Variants in CGGBP1 observed in about 807,000 individuals in gnomAD.
CGGBP1 encodes the protein CGG triplet repeat binding protein 1, also known as CGG triplet repeat-binding protein 1.
In CGGBP1, 4 loss-of-function variants were observed where a neutral mutation model predicts 11.4. The ratio of observed to expected loss-of-function variants is 0.35; its 90% CI spans 0.17 to 0.80. The LOEUF is 0.80. Among genes scored for constraint, CGGBP1 ranks in the 30% least tolerant of loss-of-function variants. The probability of loss-of-function intolerance (pLI) is 0.52; values close to 1 mark genes in which losing one functional copy is unlikely to be tolerated. For synonymous variants in CGGBP1, 76 were observed against 74.1 expected (o/e 1.03, Z -0.13); for missense variants, 135 against 202.1 (o/e 0.67, Z 2.01).
chr3:88,059,203 G>A (rs1209967779), upstream of CGGBP1: 1 of 1,452,930 alleles, frequency 6.9e-7, no homozygotes, highest in Non-Finnish European at 9.0e-7. Context: ...AGAGGCCCCT[G>A]TCCGGCTAGG....
At chr3:88,098,255 C>CAT (rs1559708461) in intron 2 of CGGBP1, among the ~76,000 whole-genome samples, 1 of 152,174 alleles carries the variant, frequency 6.6e-6, no homozygotes, top group East Asian at 1.9e-4. Flanking sequence ...TTCCTGCACA[C>CAT]ATACACCCTC....
intron 2 of CGGBP1, among the ~76,000 whole-genome samples, chr3:88,069,707 A>C (rs530119888): frequency 4.5e-4 from 69 of 152,334 alleles, no homozygotes; most frequent in Non-Finnish European, 8.5e-4. Context: ...TTGACATTAT[A>C]GAGTGTTAAT....
rs549823189 is a variant in CGGBP1 at position 88,087,009 on chromosome 3, C to T, written c.-228-28786G>A. ...ATGTTAGCCAGGATGGTCTTGATCT[C>T]CTGACCTCGTGATCTGCCTACCTTG... On this transcript the variant is annotated intron_variant, in intron 2 of 3. Coordinates refer to the CGGBP1 transcript ENST00000462901. Among the ~76,000 whole-genome samples, 10 of 152,262 alleles carry T rather than the reference C, an allele frequency of 6.6e-5. No individual in the cohort carries two copies. In the East Asian group the frequency reaches 1.9e-3, roughly 29 times the overall value.
At chr3:88,069,212 A>G (rs926414124) in intron 2 of CGGBP1, among the ~76,000 whole-genome samples, 2 of 152,196 alleles carry the variant, frequency 1.3e-5, no homozygotes, top group African/African-American at 4.8e-5. Flanking sequence ...ACCTGAGTCC[A>G]GGAGCTCAAG....
intron 2 of CGGBP1, among the ~76,000 whole-genome samples, chr3:88,090,152 A>T (rs1708557373): frequency 6.6e-6 from 1 of 152,298 alleles, no homozygotes; most frequent in East Asian, 1.9e-4. Context: ...TCTTCTACCT[A>T]TTAAAAAAAG....
chr3:88,089,104 A>G (rs908421803), intron 2 of CGGBP1, among the ~76,000 whole-genome samples: 4 of 148,976 alleles, frequency 2.7e-5, no homozygotes, highest in African/African-American at 9.9e-5. Flanking sequence ...AATTATATTT[A>G]TTTTGTGATG....
At chr3:88,071,041 G>T (rs754778136) in intron 2 of CGGBP1, among the ~76,000 whole-genome samples, 2 of 152,040 alleles carry the variant, frequency 1.3e-5, no homozygotes, top group African/African-American at 4.8e-5. Context: ...CTCATTCATC[G>T]GTTCTCAATT....
intron 2 of CGGBP1, among the ~76,000 whole-genome samples, chr3:88,074,620 C>T (rs370812596): frequency 9.9e-5 from 15 of 152,206 alleles, no homozygotes; most frequent in South Asian, 4.1e-4. Flanking sequence ...GGATTATAAG[C>T]GTGAGCCACT....
At chr3:88,129,207 A>G (rs1483604399) in intron 2 of CGGBP1, among the ~76,000 whole-genome samples, 1 of 151,956 alleles carries the variant, frequency 6.6e-6, no homozygotes, top group Non-Finnish European at 1.5e-5. Flanking sequence ...TCTGATATTA[A>G]CAAATGATGA....
At chr3:88,113,131 C>T (rs1162670572) in intron 2 of CGGBP1, 3 of 1,532,964 alleles carry the variant, frequency 2.0e-6, no homozygotes, top group East Asian at 2.5e-5. Flanking sequence ...CTTTGAGTTG[C>T]TGCTGTTCTT....
intron 2 of CGGBP1, among the ~76,000 whole-genome samples, chr3:88,081,271 A>G (rs892837451): frequency 1.3e-5 from 2 of 152,100 alleles, no homozygotes; most frequent in Non-Finnish European, 2.9e-5. Context: ...GGTGATATTT[A>G]CCTTGATGGC....
At chr3:88,089,084 G>T (rs1446374683) in intron 2 of CGGBP1, among the ~76,000 whole-genome samples, 1 of 149,552 alleles carries the variant, frequency 6.7e-6, no homozygotes, top group Non-Finnish European at 1.5e-5. Flanking sequence ...AAAAAAAACT[G>T]TATTAAAAAA....
At chr3:88,102,185 G>A (rs947127495) in intron 2 of CGGBP1, among the ~76,000 whole-genome samples, 2 of 152,028 alleles carry the variant, frequency 1.3e-5, no homozygotes, top group Non-Finnish European at 2.9e-5. Context: ...TTTTCTTCGT[G>A]TTTCTTGATT....
intron 2 of CGGBP1, among the ~76,000 whole-genome samples, chr3:88,067,958 G>A (rs1248464628): frequency 1.3e-5 from 2 of 151,878 alleles, no homozygotes; most frequent in Non-Finnish European, 2.9e-5. Flanking sequence ...CATTTGAAAG[G>A]AAGATACAAA....
chr3:88,129,364 C>G (rs1706312858), intron 2 of CGGBP1, among the ~76,000 whole-genome samples: 1 of 138,952 alleles, frequency 7.2e-6, no homozygotes. Flanking sequence ...GCATTATGAT[C>G]TTGCCTTGAA....
At chr3:88,065,715 G>T (rs543401238) in intron 2 of CGGBP1, among the ~76,000 whole-genome samples, 2 of 151,926 alleles carry the variant, frequency 1.3e-5, no homozygotes, top group South Asian at 4.2e-4. Flanking sequence ...CTACCTCACA[G>T]ATTGTTTATT....
chr3:88,120,707 T>TA lies in CGGBP1; in HGVS notation c.-229+20262dup, dbSNP rs1458512866. On this transcript the variant is annotated intron_variant, in intron 2 of 3. Coordinates refer to the CGGBP1 transcript ENST00000462901. ...ATATCCTCTTTATGCGTATATTACT[T>TA]ACGCACATGTACTCATACTATATAC... Among the ~76,000 whole-genome samples, 9 of 152,298 alleles carry TA rather than the reference T, an allele frequency of 5.9e-5. No homozygotes were observed. The East Asian group carries it at 1.7e-3, about 29-fold the overall frequency.
intron 2 of CGGBP1, among the ~76,000 whole-genome samples, chr3:88,076,505 A>G (rs1707809572): frequency 6.6e-6 from 1 of 152,012 alleles, no homozygotes; most frequent in African/African-American, 2.4e-5. Context: ...CTTTTATCTT[A>G]ATCAGTATGC....
intron 1 of CGGBP1, chr3:88,142,869 AT>A (rs1373793408): frequency 6.6e-6 from 1 of 152,306 alleles, no homozygotes; most frequent in African/African-American, 2.4e-5. Context: ...TCCTAAGAAG[AT>A]TTTAACTTAA....
Sources: gnomAD v4.1 joint callset for allele counts (sites outside exome capture counted in the v4.1 genomes callset) on GRCh38, gnomAD v4.1.1 for gene constraint, MANE v1.5 for transcripts, NCBI Gene and HGNC (gene_info 2026-07-23, HGNC 2026-07-21) for gene names.